Variants in RAB3GAP1 observed in about 807,000 individuals in gnomAD.
RAB3GAP1 encodes the protein rab3 GTPase-activating protein catalytic subunit.
RAB3GAP1 carries 86 observed loss-of-function variants against 130.7 expected under a neutral mutation model. That is an observed-to-expected ratio of 0.66 (90% confidence interval 0.55 to 0.79). The LOEUF (loss-of-function observed/expected upper bound fraction) is 0.79, where lower values mean the gene tolerates loss of function less well. RAB3GAP1 is among the 30% of genes least tolerant of loss of function. RAB3GAP1 has a pLI of 0.00. For missense variants in RAB3GAP1, 1,029 were observed against 1,169.4 expected, an observed-to-expected ratio of 0.88 and a Z score of 1.75; for synonymous variants, 367 against 401.7, an observed-to-expected ratio of 0.91 and a Z score of 1.03.
At chr2:135,072,941 G>C (rs2104844683) in intron 3 of RAB3GAP1, among the ~76,000 whole-genome samples, 2 of 152,300 alleles carry the variant, frequency 1.3e-5, no homozygotes, top group East Asian at 1.9e-4. Flanking sequence ...TAGATTTCCT[G>C]CTAGGGTCTG....
chr2:135,168,934 C>A lies in RAB3GAP1; in HGVS notation c.*153C>A, dbSNP rs1267094781. On this transcript the variant is annotated 3_prime_UTR_variant, in exon 24 of 24. Transcript: ENST00000264158. ...CCAGCATCGGAAAGACTTCCCAGCA[C>A]CAAGCTTGAGCTGTGTCGTTTCGTG... 9 of 749,574 alleles carry A rather than the reference C, an allele frequency of 1.2e-5. No homozygotes were observed. Among genetic ancestry groups the A allele is most frequent in the Non-Finnish European group, 1.9e-5 (8 of 422,898 alleles). The allele number at this position is 749,574 out of a possible 1,614,324, so 46.4% of individuals were successfully genotyped here.
intron 3 of RAB3GAP1, among the ~76,000 whole-genome samples, chr2:135,070,195 CAG>C (rs1689427497): frequency 6.6e-6 from 1 of 152,198 alleles, no homozygotes; most frequent in Non-Finnish European, 1.5e-5. Context: ...CTGTTTGTAA[CAG>C]AGGCAGACAG....
intron 9 of RAB3GAP1, among the ~76,000 whole-genome samples, chr2:135,125,468 A>T (rs1006849007): frequency 6.6e-6 from 1 of 152,250 alleles, no homozygotes; most frequent in Non-Finnish European, 1.5e-5. Context: ...CAAAATAAAT[A>T]AATAAATGTA....
chr2:135,103,033 T>TG, intron 5 of RAB3GAP1, among the ~76,000 whole-genome samples: 1 of 129,094 alleles, frequency 7.7e-6, no homozygotes, highest in Non-Finnish European at 1.6e-5. Context: ...ATCATTTTTG[T>TG]GATTTTTTTT....
At chr2:135,131,925 A>G (rs1233469365) in intron 13 of RAB3GAP1, among the ~76,000 whole-genome samples, 3 of 152,234 alleles carry the variant, frequency 2.0e-5, no homozygotes, top group Non-Finnish European at 4.4e-5. Context: ...AAGTGTTGAA[A>G]AGAAAACTGG....
intron 13 of RAB3GAP1, among the ~76,000 whole-genome samples, chr2:135,131,072 T>C (rs1691523151): frequency 6.6e-6 from 1 of 152,164 alleles, no homozygotes; most frequent in African/African-American, 2.4e-5. Flanking sequence ...TTCGAGAGCA[T>C]GTTGAACGGT....
chr2:135,136,047 C>A, intron 17 of RAB3GAP1, 115 bp downstream of exon 17: 1 of 1,407,390 alleles, frequency 7.1e-7, no homozygotes, highest in Non-Finnish European at 1.0e-6. Context: ...ATGTTTAGGC[C>A]AGATGCGGTG....
intron 8 of RAB3GAP1, 177 bp from the exon 9 acceptor site, chr2:135,123,988 C>A: frequency 1.7e-6 from 1 of 603,796 alleles, no homozygotes; most frequent in South Asian, 2.0e-5. Flanking sequence ...CTGTAACATT[C>A]TCTGGGGAAG....
rs946494933 is a variant in RAB3GAP1 at position 135,105,087 on chromosome 2, C to G, written c.363-8064C>G. On this transcript the variant is annotated intron_variant, in intron 5 of 23. Transcript: ENST00000264158. ...GGAGAAAAAACAGAACTTCTGAGAT[C>G]TGTGGGTCAGTGTCAAGTGTTCCAA... 2.6e-5 allele frequency among the ~76,000 whole-genome samples: 4 copies of G among 152,182 alleles called. No homozygotes were observed. The East Asian group carries it at 5.8e-4, about 22-fold the overall frequency.
chr2:135,120,691 A>G (rs1691170631), intron 7 of RAB3GAP1, 128 bp from the exon 8 acceptor site: 1 of 769,636 alleles, frequency 1.3e-6, no homozygotes, highest in South Asian at 1.4e-5. Flanking sequence ...GTTTAACACT[A>G]GAATCTGAAA....
chr2:135,159,309 A>G (rs373096974), intron 19 of RAB3GAP1, among the ~76,000 whole-genome samples: 4 of 152,208 alleles, frequency 2.6e-5, no homozygotes, highest in African/African-American at 9.7e-5. Context: ...GTGATGTTAC[A>G]GTGCAGCAGC....
At chr2:135,078,365 C>T (rs920023403) in intron 3 of RAB3GAP1, among the ~76,000 whole-genome samples, 2 of 151,938 alleles carry the variant, frequency 1.3e-5, no homozygotes, top group Non-Finnish European at 2.9e-5. Context: ...TTTCTTTTAA[C>T]AGTTAGATAT....
chr2:135,052,804 G>A (rs1169191820), intron 2 of RAB3GAP1, among the ~76,000 whole-genome samples: 1 of 152,182 alleles, frequency 6.6e-6, no homozygotes, highest in Non-Finnish European at 1.5e-5. Context: ...AATTTCCGAG[G>A]CTGCAACAAC....
chr2:135,075,058 C>T (rs1480471774), intron 3 of RAB3GAP1, among the ~76,000 whole-genome samples: 2 of 151,764 alleles, frequency 1.3e-5, no homozygotes, highest in Admixed American at 1.3e-4. Flanking sequence ...AAGTTTTTAA[C>T]GTTTAAAAAA....
intron 17 of RAB3GAP1, among the ~76,000 whole-genome samples, chr2:135,150,063 T>A (rs1223501980): frequency 6.6e-6 from 1 of 152,198 alleles, no homozygotes; most frequent in African/African-American, 2.4e-5. Context: ...ACTTCATTTC[T>A]TTATCACTAA....
intron 3 of RAB3GAP1, among the ~76,000 whole-genome samples, chr2:135,081,306 C>CAAAAAAAAAAA (rs1169138978): frequency 2.3e-4 from 3 of 13,212 alleles, no homozygotes; most frequent in African/African-American, 5.4e-4. Flanking sequence ...GACTCCGTCT[C>CAAAAAAAAAAA]AAAAAAAAAA....
chr2:135,145,403 C>T (rs1414115668), intron 17 of RAB3GAP1, among the ~76,000 whole-genome samples: 1 of 137,250 alleles, frequency 7.3e-6, no homozygotes, highest in Non-Finnish European at 1.6e-5. Context: ...CACACATACA[C>T]ACACACACAC....
chr2:135,103,549 C>T (rs1690511755), intron 5 of RAB3GAP1, among the ~76,000 whole-genome samples: 1 of 152,052 alleles, frequency 6.6e-6, no homozygotes, highest in South Asian at 2.1e-4. Flanking sequence ...TTTTAAAAGG[C>T]ATTAAACTGG....
chr2:135,060,733 T>C (rs1689144568), intron 3 of RAB3GAP1, among the ~76,000 whole-genome samples: 1 of 151,872 alleles, frequency 6.6e-6, no homozygotes, highest in Non-Finnish European at 1.5e-5. Context: ...TGAGACAGAG[T>C]CTTGCTCTGT....
Sources: gnomAD v4.1 joint callset for allele counts (sites outside exome capture counted in the v4.1 genomes callset) on GRCh38, gnomAD v4.1.1 for gene constraint, MANE v1.5 for transcripts, NCBI Gene and HGNC (gene_info 2026-07-23, HGNC 2026-07-21) for gene names.